STXBP4: variants seen among roughly 807,000 people sequenced by gnomAD.
STXBP4 encodes syntaxin binding protein 4.
STXBP4 carries 55 observed loss-of-function variants against 76.1 expected under a neutral mutation model. That is an observed-to-expected ratio of 0.72 (90% CI 0.58 to 0.91). The LOEUF is 0.91. Ranked by LOEUF, STXBP4 falls within the 40% of genes least tolerant of loss-of-function variation. The probability of loss-of-function intolerance (pLI) is 0.00; values close to 1 mark genes in which losing one functional copy is unlikely to be tolerated. For synonymous variants in STXBP4, 201 were observed against 220.2 expected, an observed-to-expected ratio of 0.91 and a Z score of 0.77; for missense variants, 618 against 636.9, an observed-to-expected ratio of 0.97 and a Z score of 0.32.
intron 7 of STXBP4, among the ~76,000 whole-genome samples, chr17:55,004,109 G>C (rs2077964606): frequency 6.6e-6 from 1 of 152,034 alleles, no homozygotes; most frequent in Non-Finnish European, 1.5e-5. Context: ...CTTGAACCCA[G>C]GAGGCAGAGG....
chr17:55,178,039 A>T (rs2080437342), downstream of STXBP4, among the ~76,000 whole-genome samples: 1 of 152,140 alleles, frequency 6.6e-6, no homozygotes, highest in African/African-American at 2.4e-5. Context: ...CAGTAATCAC[A>T]TTTTTCCCGA....
At chr17:55,113,170 A>G (rs2079741202) in intron 16 of STXBP4, among the ~76,000 whole-genome samples, 1 of 151,232 alleles carries the variant, frequency 6.6e-6, no homozygotes, top group African/African-American at 2.4e-5. Context: ...GGTATAGGAT[A>G]TTGTATATTG....
intron 16 of STXBP4, among the ~76,000 whole-genome samples, chr17:55,085,281 C>T (rs1335516912): frequency 2.6e-5 from 4 of 151,908 alleles, no homozygotes; most frequent in African/African-American, 7.3e-5. Flanking sequence ...GTGGGTGCAG[C>T]GCACCAGCAA....
At chr17:55,196,797 G>T in the STXBP4 span, among the ~76,000 whole-genome samples, 1 of 152,162 alleles carries the variant, frequency 6.6e-6, no homozygotes. Context: ...CCCTAGAATA[G>T]ACTTGATGAC....
At position 55,104,309 on chromosome 17, in the gene STXBP4, T is replaced by C. The variant is rs150754126; in HGVS notation, c.1489+23126T>C. 9.6e-3 allele frequency among the ~76,000 whole-genome samples: 1,467 copies of C among 152,318 alleles called. 10 individuals carry two copies. The highest frequency in any genetic ancestry group is 0.016 in the Non-Finnish European group (1,118 of 68,036). On this transcript the variant is annotated intron_variant, in intron 16 of 17. Transcript: ENST00000376352. ...TTTTGAGATATGATCCATCAATACC[T>C]AGTTTATTGGGAGTTTTTAGCATGA...
At chr17:55,038,087 T>C (rs1172991150) in intron 10 of STXBP4, among the ~76,000 whole-genome samples, 3 of 152,150 alleles carry the variant, frequency 2.0e-5, no homozygotes, top group Non-Finnish European at 4.4e-5. Context: ...CAGGCCTGGG[T>C]CATTCTGTTA....
intron 8 of STXBP4, among the ~76,000 whole-genome samples, chr17:55,019,806 G>A (rs866166545): frequency 6.6e-6 from 1 of 152,098 alleles, no homozygotes; most frequent in Admixed American, 6.5e-5. Context: ...TAGGGTCACA[G>A]TTATCGTCTC....
At chr17:54,971,224 A>C (rs1245938621) in intron 1 of STXBP4, among the ~76,000 whole-genome samples, 1 of 152,254 alleles carries the variant, frequency 6.6e-6, no homozygotes, top group Non-Finnish European at 1.5e-5. Context: ...CAGAGCAGGC[A>C]TCAAAATCAG....
chr17:55,033,336 T>C (rs1335426414), intron 9 of STXBP4, among the ~76,000 whole-genome samples: 2 of 152,056 alleles, frequency 1.3e-5, no homozygotes, highest in Non-Finnish European at 2.9e-5. Flanking sequence ...ATCGTGCCAC[T>C]GCACTCCAGC....
At chr17:55,056,816 G>T (rs953464041) in intron 12 of STXBP4, among the ~76,000 whole-genome samples, 2 of 152,122 alleles carry the variant, frequency 1.3e-5, no homozygotes, top group African/African-American at 4.8e-5. Context: ...ATTCCAGCCT[G>T]GGCAGCATGG....
chr17:55,081,386 T>G (rs2079253195), intron 16 of STXBP4, among the ~76,000 whole-genome samples: 1 of 152,172 alleles, frequency 6.6e-6, no homozygotes, highest in African/African-American at 2.4e-5. Flanking sequence ...AGATATGCCT[T>G]TACATCCACT....
chr17:54,992,343 G>A lies in STXBP4; in HGVS notation c.180+1386G>A, dbSNP rs75990597. Among the ~76,000 whole-genome samples the A allele has an allele frequency of 4.7e-3, 714 of 150,402 alleles. 5 individuals carry two copies. Among genetic ancestry groups the A allele is most frequent in the African/African-American group, 0.013 (512 of 40,882 alleles). ...GAGGTGGGAGTATTGCTTGAGCCCCGAAGATCAAGAGCAGTGAGGCATGAT... is the reference window on the plus strand; with the variant it reads ...GAGGTGGGAGTATTGCTTGAGCCCCAAAGATCAAGAGCAGTGAGGCATGAT... On this transcript the variant is annotated intron_variant, in intron 4 of 17. Transcript: ENST00000376352.
At chr17:55,025,507 A>T (rs553139547) in intron 8 of STXBP4, among the ~76,000 whole-genome samples, 1 of 152,332 alleles carries the variant, frequency 6.6e-6, no homozygotes, top group South Asian at 2.1e-4. Flanking sequence ...TTTTTTTATT[A>T]AAAGCAGATA....
the STXBP4 span, among the ~76,000 whole-genome samples, chr17:55,210,011 C>T: frequency 1.2e-4 from 18 of 152,148 alleles, no homozygotes; most frequent in African/African-American, 4.3e-4. Context: ...CGTGTGCACA[C>T]ACATGTGCAT....
intron 11 of STXBP4, chr17:55,044,014 A>G (rs560385318): frequency 5.7e-6 from 1 of 175,140 alleles, no homozygotes; most frequent in South Asian, 1.8e-4. Context: ...ATGCTCAACT[A>G]ATTTTTTTTT....
In STXBP4 at chr17:55,167,974, G is replaced by A. The variant is rs993947153; in HGVS notation, c.*8063G>A. On this transcript the variant is annotated 3_prime_UTR_variant, in exon 18 of 18. Coordinates refer to ENST00000376352, the MANE Select transcript of STXBP4 (RefSeq NM_178509.6). ...TCTGTGGAATGGAATATGAAAAGAT[G>A]TTTATGAGCAGATTCTATTTCTTTA... 4.6e-5 allele frequency: 7 copies of A among 152,156 alleles called. No individual in the cohort carries two copies. Among genetic ancestry groups the A allele is most frequent in the Non-Finnish European group, 1.0e-4 (7 of 68,010 alleles). The allele number at this position is 152,156 out of a possible 1,614,324, so 9.4% of individuals were successfully genotyped here.
At chr17:55,002,481 A>G (rs1264814123) in intron 7 of STXBP4, among the ~76,000 whole-genome samples, 1 of 152,180 alleles carries the variant, frequency 6.6e-6, no homozygotes, top group Admixed American at 6.5e-5. Flanking sequence ...ATTTATATGC[A>G]TGTATTTGTT....
intron 3 of STXBP4, among the ~76,000 whole-genome samples, chr17:54,986,682 G>T (rs2144373256): frequency 6.6e-6 from 1 of 152,098 alleles, no homozygotes; most frequent in East Asian, 1.9e-4. Context: ...AAACTCTTTT[G>T]TGAGATTTCT....
chr17:54,995,294 T>C (rs913630143), intron 4 of STXBP4, among the ~76,000 whole-genome samples: 2 of 152,222 alleles, frequency 1.3e-5, no homozygotes, highest in African/African-American at 2.4e-5. Context: ...TGGGCCTTTG[T>C]GTCAGATTTC....
Sources: gnomAD v4.1 joint callset for allele counts (sites outside exome capture counted in the v4.1 genomes callset) on GRCh38, gnomAD v4.1.1 for gene constraint, MANE v1.5 for transcripts, NCBI Gene and HGNC (gene_info 2026-07-23, HGNC 2026-07-21) for gene names.